RFTN1: variants seen among roughly 807,000 people sequenced by gnomAD.
RFTN1 encodes the protein raftlin, lipid raft linker 1.
RFTN1 carries 26 observed loss-of-function variants against 46.5 expected under a neutral mutation model. The ratio of observed to expected loss-of-function variants is 0.56; its 90% CI spans 0.41 to 0.78. The LOEUF (loss-of-function observed/expected upper bound fraction) is 0.78, where lower values mean the gene tolerates loss of function less well. Ranked by LOEUF, RFTN1 falls within the 30% of genes least tolerant of loss-of-function variation. The pLI is 0.00. For synonymous variants in RFTN1, 261 were observed against 284.2 expected (o/e 0.92, Z 0.82); for missense variants, 693 against 718.7 (o/e 0.96, Z 0.41).
rs1404496927 is a variant in RFTN1 at position 16,327,795 on chromosome 3, C to T, written c.1147-919G>A. Among the ~76,000 whole-genome samples the T allele has an allele frequency of 6.6e-6, 1 of 151,848 alleles. No homozygotes were observed. Among genetic ancestry groups the T allele is most frequent in the African/African-American group, 2.4e-5 (1 of 41,346 alleles). Reference sequence around the variant, plus strand: ...AAACAAAACGAAAAAAACTTCAGCCCCCTGCTAGCACAGGGAGAGAGCCCT... The same window carrying T: ...AAACAAAACGAAAAAAACTTCAGCCTCCTGCTAGCACAGGGAGAGAGCCCT... On this transcript the variant is annotated intron_variant, in intron 7 of 9. Transcript: ENST00000334133. This position sits in a 1 kb window ranked among gnomAD's most constrained non-coding sequence, Gnocchi z 4.2.
In RFTN1 at chr3:16,498,890, C is replaced by A. The variant is rs1332738389; in HGVS notation, c.-8-5013G>T. ...AAAAAGTAGGAAAAATCAGCTGTAA[C>A]AGTGACTTGCACACTATTGTAGAGT... On this transcript the variant is annotated intron_variant, in intron 1 of 9. Coordinates refer to ENST00000334133, the MANE Select transcript of RFTN1 (RefSeq NM_015150.2). This position sits in a 1 kb window ranked among gnomAD's most constrained non-coding sequence, Gnocchi z 5.2. Among the ~76,000 whole-genome samples the A allele has an allele frequency of 1.6e-4, 24 of 152,218 alleles. No individual in the cohort carries two copies. The highest frequency in any genetic ancestry group is 1.6e-3 in the Admixed American group (24 of 15,284).
At chr3:16,363,020 C>T (rs1044064450) in intron 6 of RFTN1, among the ~76,000 whole-genome samples, 16 of 152,220 alleles carry the variant, frequency 1.1e-4, no homozygotes, top group African/African-American at 3.9e-4. Flanking sequence ...TCATCCACTG[C>T]CTGCCTCCCA....
rs773481491 is a variant in RFTN1, at chr3:16,329,090, T to C, written c.1147-2214A>G. 6.6e-6 allele frequency among the ~76,000 whole-genome samples: 1 copy of C among 152,148 alleles called. No homozygotes were observed. Among genetic ancestry groups the C allele is most frequent in the Non-Finnish European group, 1.5e-5 (1 of 68,030 alleles). On this transcript the variant is annotated intron_variant, in intron 7 of 9. Coordinates refer to ENST00000334133, the MANE Select transcript of RFTN1 (RefSeq NM_015150.2). The surrounding 1 kb of genome is among the most constrained non-coding windows in gnomAD (Gnocchi z 4.5). ...GTTTAGGTCAGAAGGGCTCCACTCTTGTGAATGGGTTAATGCCAACTCAGG... is the reference window on the plus strand; with the variant it reads ...GTTTAGGTCAGAAGGGCTCCACTCTCGTGAATGGGTTAATGCCAACTCAGG...
rs1016867998 is a variant in RFTN1 at position 16,447,289 on chromosome 3, A to G, written c.146-13252T>C. Among the ~76,000 whole-genome samples, 5 of 152,238 alleles carry G rather than the reference A, an allele frequency of 3.3e-5. No individual in the cohort carries two copies. Among genetic ancestry groups the G allele is most frequent in the African/African-American group, 1.2e-4 (5 of 41,462 alleles). On this transcript the variant is annotated intron_variant, in intron 2 of 9. Coordinates refer to ENST00000334133, the MANE Select transcript of RFTN1 (RefSeq NM_015150.2). The surrounding 1 kb of genome is among the most constrained non-coding windows in gnomAD (Gnocchi z 5.9). ...CTCAGTCAAATGAGAACAGGACCAG[A>G]CAGCTCTTGTTCTCTAAAACAGGCT...
chr3:16,481,328 T>C lies in RFTN1; in HGVS notation c.145+12397A>G, dbSNP rs1429155. 0.54 allele frequency among the ~76,000 whole-genome samples: 81,796 copies of C among 152,008 alleles called. 22,387 individuals are homozygous for C. The highest frequency in any genetic ancestry group is 0.66 in the South Asian group (3,160 of 4,814). ...CACACATATTATCTCATTTATCTTT[T>C]GAAAATCTCTTCAAACTGTAAGAGC... On this transcript the variant is annotated intron_variant, in intron 2 of 9. Coordinates refer to ENST00000334133, the MANE Select transcript of RFTN1 (RefSeq NM_015150.2). This position sits in a 1 kb window ranked among gnomAD's most constrained non-coding sequence, Gnocchi z 5.1.
chr3:16,330,966 G>A (rs1322323656), intron 7 of RFTN1, among the ~76,000 whole-genome samples: 1 of 152,194 alleles, frequency 6.6e-6, no homozygotes, highest in East Asian at 1.9e-4. Flanking sequence ...TTCATCCTGT[G>A]GAAGCAATCT....
chr3:16,462,602 C>T (rs1575326727), intron 2 of RFTN1, among the ~76,000 whole-genome samples: 1 of 152,218 alleles, frequency 6.6e-6, no homozygotes, highest in East Asian at 1.9e-4. Flanking sequence ...CCAATGAATG[C>T]AGACAGCTGC....
intron 4 of RFTN1, among the ~76,000 whole-genome samples, chr3:16,401,646 CA>C (rs2125423931): frequency 6.6e-6 from 1 of 152,282 alleles, no homozygotes; most frequent in Admixed American, 6.5e-5. Context: ...TGGATTTTAC[CA>C]AAGTATATCT....
rs1351596106 is a variant in RFTN1 at position 16,356,728 on chromosome 3, CCT to C, written c.1146+1202_1146+1203del. ...CACTCCTCACAAAGGGTTGTATCCA[CCT>C]CTGTCTTCCCTCGGCCTGGAGAGCC... On this transcript the variant is annotated intron_variant, in intron 7 of 9. Coordinates refer to ENST00000334133, the MANE Select transcript of RFTN1 (RefSeq NM_015150.2). This position sits in a 1 kb window ranked among gnomAD's most constrained non-coding sequence, Gnocchi z 4.9. Among the ~76,000 whole-genome samples, 2 of 152,248 alleles carry C rather than the reference CCT, an allele frequency of 1.3e-5. No individual in the cohort carries two copies. Among genetic ancestry groups the C allele is most frequent in the African/African-American group, 4.8e-5 (2 of 41,462 alleles).
rs150168994 is a variant in RFTN1 at position 16,320,030 on chromosome 3, C to G, written c.1333-2798G>C. 6.6e-6 allele frequency among the ~76,000 whole-genome samples: 1 copy of G among 152,204 alleles called. No individual in the cohort carries two copies. Among genetic ancestry groups the G allele is most frequent in the Admixed American group, 6.5e-5 (1 of 15,278 alleles). ...GGGTGTGTCACCAAATCCAATTAGC[C>G]GCCCAATTCAGAAATAACTGTCTAA... is the stretch of plus-strand genomic sequence containing the variant. On this transcript the variant is annotated intron_variant, in intron 9 of 9. Coordinates refer to ENST00000334133, the MANE Select transcript of RFTN1 (RefSeq NM_015150.2). This position sits in a 1 kb window ranked among gnomAD's most constrained non-coding sequence, Gnocchi z 4.5.
In RFTN1 at chr3:16,327,837, A is replaced by T. The variant is rs1356580709; in HGVS notation, c.1147-961T>A. Among the ~76,000 whole-genome samples the T allele has an allele frequency of 6.6e-6, 1 of 152,106 alleles. No homozygotes were observed. The highest frequency in any genetic ancestry group is 1.5e-5 in the Non-Finnish European group (1 of 68,008). On this transcript the variant is annotated intron_variant, in intron 7 of 9. Transcript: ENST00000334133. The surrounding 1 kb of genome is among the most constrained non-coding windows in gnomAD (Gnocchi z 4.2). ...GAGAGCCCTGATGTGAGGCCCCTGC[A>T]CTGGCTTCCACCTCTGCAGGCGTTC...
At position 16,452,656 on chromosome 3, in the gene RFTN1, A is replaced by G. The variant is rs1313752800; in HGVS notation, c.146-18619T>C. ...ACCAACCTTTTTGATTTACTGACCA[A>G]TTATGGTCTCAACTGTGACAGTGAA... On this transcript the variant is annotated intron_variant, in intron 2 of 9. Transcript: ENST00000334133. The surrounding 1 kb of genome is among the most constrained non-coding windows in gnomAD (Gnocchi z 6.3). 1.3e-5 allele frequency among the ~76,000 whole-genome samples: 2 copies of G among 152,206 alleles called. No individual in the cohort carries two copies. Among genetic ancestry groups the G allele is most frequent in the African/African-American group, 4.8e-5 (2 of 41,448 alleles).
In RFTN1 at chr3:16,322,662, C is replaced by G. The variant is rs757929709; in HGVS notation, c.1332+714G>C. Among the ~76,000 whole-genome samples the G allele has an allele frequency of 9.2e-5, 14 of 152,250 alleles. No homozygotes were observed. The highest frequency in any genetic ancestry group is 4.6e-4 in the Admixed American group (7 of 15,288). On this transcript the variant is annotated intron_variant, in intron 9 of 9. Coordinates refer to ENST00000334133, the MANE Select transcript of RFTN1 (RefSeq NM_015150.2). The surrounding 1 kb of genome is among the most constrained non-coding windows in gnomAD (Gnocchi z 6.2). ...GTGGGGTGGGAAGCATCAGAATCAT[C>G]TGGCACAAGGGTTGCCGACACTTGC...
At chr3:16,420,210 G>A (rs192907399) in intron 3 of RFTN1, among the ~76,000 whole-genome samples, 32 of 152,336 alleles carry the variant, frequency 2.1e-4, no homozygotes, top group Admixed American at 3.3e-4. Context: ...TCAATGCCCA[G>A]TGAGCTGGGC....
chr3:16,358,109 T>C (rs538315432), intron 6 of RFTN1, 62 bp from the exon 7 acceptor site: 66 of 896,252 alleles, frequency 7.4e-5, no homozygotes, highest in African/African-American at 6.9e-4. Context: ...GCAGAAGTCT[T>C]CTAAGCAGCA....
intron 4 of RFTN1, among the ~76,000 whole-genome samples, chr3:16,397,024 T>C (rs1318191845): frequency 2.7e-5 from 4 of 146,942 alleles, no homozygotes; most frequent in African/African-American, 1.0e-4. Context: ...GATTTCACCA[T>C]TGCACTCCAG....
intron 1 of RFTN1, among the ~76,000 whole-genome samples, chr3:16,503,487 A>AC (rs1462560702): frequency 6.6e-6 from 1 of 151,872 alleles, no homozygotes; most frequent in African/African-American, 2.4e-5. Flanking sequence ...TATTTTTAAA[A>AC]CCCCCAAGTG....
intron 3 of RFTN1, among the ~76,000 whole-genome samples, chr3:16,414,553 A>G (rs530653192): frequency 8.0e-4 from 122 of 151,798 alleles, no homozygotes; most frequent in Non-Finnish European, 1.4e-3. Flanking sequence ...GCAGTGAGCC[A>G]AGATCACACC....
chr3:16,381,374 T>A lies in RFTN1; in HGVS notation c.442-3272A>T, dbSNP rs1268683482. ...TCATAGAGGATAATATAGTAATGGA[T>A]GTGAAGGCATAGACATGACAGTGAC... On this transcript the variant is annotated intron_variant, in intron 4 of 9. Coordinates refer to ENST00000334133, the MANE Select transcript of RFTN1 (RefSeq NM_015150.2). The surrounding 1 kb of genome is among the most constrained non-coding windows in gnomAD (Gnocchi z 4.2). Among the ~76,000 whole-genome samples, 1 of 152,184 alleles carries A rather than the reference T, an allele frequency of 6.6e-6. No homozygotes were observed. The highest frequency in any genetic ancestry group is 1.5e-5 in the Non-Finnish European group (1 of 68,026).
Sources: allele counts gnomAD v4.1 joint callset (sites outside exome capture counted in the v4.1 genomes callset), GRCh38; gene constraint gnomAD v4.1.1; non-coding constraint Gnocchi (gnomAD v3.1); transcripts MANE v1.5; gene names NCBI Gene and HGNC (gene_info 2026-07-23, HGNC 2026-07-21).